The following CDH12 variants were observed in gnomAD, a reference collection of about 807,000 sequenced individuals.
CDH12 encodes cadherin-12.
A neutral mutation model predicts 74.1 loss-of-function variants in CDH12; 41 were observed. The ratio of observed to expected loss-of-function variants is 0.55; its 90% CI spans 0.43 to 0.72. The LOEUF is 0.72. Among genes scored for constraint, CDH12 ranks in the 30% least tolerant of loss-of-function variants. CDH12 has a pLI of 0.00. For missense variants in CDH12, 945 were observed against 977.2 expected (o/e 0.97, Z 0.44); for synonymous variants, 399 against 355.0 (o/e 1.12, Z -1.39).
At chr5:22,253,858 A>C (rs1753216809) in intron 3 of CDH12, among the ~76,000 whole-genome samples, 1 of 151,956 alleles carries the variant, frequency 6.6e-6, no homozygotes, top group Non-Finnish European at 1.5e-5. Flanking sequence ...AATGAGGCAC[A>C]CAAATGTGAA....
chr5:22,805,800 C>G (rs1748752359), intron 1 of CDH12, among the ~76,000 whole-genome samples: 1 of 152,034 alleles, frequency 6.6e-6, no homozygotes, highest in Admixed American at 6.5e-5. Context: ...TAATGCTATC[C>G]CTCCCCTAGT....
chr5:21,938,723 C>CATATATATATAT (rs545475183), intron 6 of CDH12, among the ~76,000 whole-genome samples: 2,680 of 111,782 alleles, frequency 0.024, 91 homozygotes, highest in South Asian at 0.032. Context: ...ATATAATATA[C>CATATATATATAT]ATATATATAT....
At chr5:22,836,217 C>CTCTTTTTTTTTT (rs1329156670) in intron 1 of CDH12, among the ~76,000 whole-genome samples, 2 of 20,468 alleles carry the variant, frequency 9.8e-5, no homozygotes, top group Non-Finnish European at 1.9e-4. Context: ...TTTTTTCTTT[C>CTCTTTTTTTTTT]TTTCTCTTTT....
intron 3 of CDH12, among the ~76,000 whole-genome samples, chr5:22,377,502 G>A (rs996762664): frequency 6.6e-6 from 1 of 152,088 alleles, no homozygotes; most frequent in Non-Finnish European, 1.5e-5. Context: ...TTGAGAGAGA[G>A]CAAGGCGACA....
chr5:22,051,649 A>G (rs1740376105), intron 5 of CDH12, among the ~76,000 whole-genome samples: 1 of 152,130 alleles, frequency 6.6e-6, no homozygotes, highest in African/African-American at 2.4e-5. Context: ...AAATTACTAC[A>G]ATAAAAGAGT....
At chr5:22,414,055 T>C (rs947476190) in intron 2 of CDH12, among the ~76,000 whole-genome samples, 20 of 152,032 alleles carry the variant, frequency 1.3e-4, no homozygotes, top group South Asian at 4.1e-4. Flanking sequence ...ATGTTTATAA[T>C]TTGTGTGAGT....
chr5:22,370,038 T>C (rs1361136160), intron 3 of CDH12, among the ~76,000 whole-genome samples: 1 of 152,186 alleles, frequency 6.6e-6, no homozygotes, highest in African/African-American at 2.4e-5. Context: ...GTTCCTGGAT[T>C]GATTAATTCA....
chr5:22,576,590 A>G (rs1424471284), intron 1 of CDH12, among the ~76,000 whole-genome samples: 3 of 152,188 alleles, frequency 2.0e-5, no homozygotes, highest in Non-Finnish European at 4.4e-5. Context: ...CTTAACACTG[A>G]AAGAACTAGA....
At chr5:22,772,513 G>C (rs1413439023) in intron 1 of CDH12, among the ~76,000 whole-genome samples, 1 of 151,942 alleles carries the variant, frequency 6.6e-6, no homozygotes, top group Admixed American at 6.6e-5. Flanking sequence ...TTTCACCGAG[G>C]AATAAAAGAA....
intron 3 of CDH12, among the ~76,000 whole-genome samples, chr5:22,352,754 C>A (rs1260216527): frequency 6.6e-6 from 1 of 152,124 alleles, no homozygotes; most frequent in East Asian, 1.9e-4. Context: ...ATCTGCAGAA[C>A]AATGCGAAAC....
rs575937829 is a variant in CDH12, at chr5:22,487,718, A to G, written c.-428+17552T>C. ...AAAAAATCAGTACAAAATTGAAGAA[A>G]GCAAAACCTACTTACCTCAGGGCTA... is the stretch of plus-strand genomic sequence containing the variant. On this transcript the variant is annotated intron_variant, in intron 2 of 14. Transcript: ENST00000382254. Among the ~76,000 whole-genome samples, 9 of 152,334 alleles carry G rather than the reference A, an allele frequency of 5.9e-5. 1 individual carries two copies. The highest frequency in any genetic ancestry group is 2.6e-4 in the Admixed American group (4 of 15,312).
At chr5:22,269,350 T>A (rs1736280243) in intron 3 of CDH12, among the ~76,000 whole-genome samples, 1 of 152,158 alleles carries the variant, frequency 6.6e-6, no homozygotes, top group South Asian at 2.1e-4. Flanking sequence ...CCCCCACTTC[T>A]TCTTATCCTC....
chr5:22,407,167 G>C (rs1213688247), intron 2 of CDH12, among the ~76,000 whole-genome samples: 1 of 151,898 alleles, frequency 6.6e-6, no homozygotes, highest in Non-Finnish European at 1.5e-5. Context: ...TCCCTTGAAG[G>C]TGCCATTGAC....
chr5:22,829,797 G>C (rs1026852976), intron 1 of CDH12, among the ~76,000 whole-genome samples: 1 of 152,108 alleles, frequency 6.6e-6, no homozygotes, highest in African/African-American at 2.4e-5. Flanking sequence ...TCCAGCAAAG[G>C]CTACTCTTCA....
chr5:22,569,172 C>A (rs1739427476), intron 1 of CDH12, among the ~76,000 whole-genome samples: 1 of 152,144 alleles, frequency 6.6e-6, no homozygotes, highest in African/African-American at 2.4e-5. Flanking sequence ...ATGTCCCTCC[C>A]CAAATCTCAT....
At chr5:22,220,741 T>C (rs1212491696) in intron 3 of CDH12, among the ~76,000 whole-genome samples, 1 of 151,804 alleles carries the variant, frequency 6.6e-6, no homozygotes, top group Non-Finnish European at 1.5e-5. Context: ...ATTAAAAAGA[T>C]ACCTGACTTC....
chr5:22,774,952 C>T (rs1419306299), intron 1 of CDH12, among the ~76,000 whole-genome samples: 10 of 151,958 alleles, frequency 6.6e-5, no homozygotes, highest in Non-Finnish European at 1.0e-4. Flanking sequence ...ACCCATGTAA[C>T]AAACCTGCAT....
At chr5:22,257,084 A>G (rs1753344276) in intron 3 of CDH12, among the ~76,000 whole-genome samples, 1 of 152,214 alleles carries the variant, frequency 6.6e-6, no homozygotes, top group South Asian at 2.1e-4. Context: ...AGAAATGCAA[A>G]TGCCACATGT....
chr5:21,905,534 T>C (rs1163697773), intron 6 of CDH12, among the ~76,000 whole-genome samples: 2 of 152,212 alleles, frequency 1.3e-5, no homozygotes, highest in Non-Finnish European at 2.9e-5. Flanking sequence ...TTTAGAACTT[T>C]TGCAACAGAC....
Sources: gnomAD v4.1 joint callset for allele counts (sites outside exome capture counted in the v4.1 genomes callset) on GRCh38, gnomAD v4.1.1 for gene constraint, MANE v1.5 for transcripts, NCBI Gene and HGNC (gene_info 2026-07-23, HGNC 2026-07-21) for gene names.